ATCAY: variants seen among roughly 807,000 people sequenced by gnomAD.
ATCAY encodes caytaxin.
In ATCAY, 22 loss-of-function variants were observed where a neutral mutation model predicts 47.7. The observed-to-expected ratio is 0.46, with a 90% CI of 0.33 to 0.66. The LOEUF is 0.66. Ranked by LOEUF, ATCAY falls within the 30% of genes least tolerant of loss-of-function variation. The pLI is 0.02. For synonymous variants in ATCAY, 216 were observed against 207.6 expected, an observed-to-expected ratio of 1.04 and a Z score of -0.35; for missense variants, 452 against 515.0, an observed-to-expected ratio of 0.88 and a Z score of 1.18.
Position 3,907,099 on chromosome 19 carries a change from A to C in ATCAY, c.359-635A>C, listed in dbSNP as rs1599288453. Reference sequence around the variant, plus strand: ...CAGTGAGCAGAGATCGCACCACTCCACTCCAGCCTGGGCGATGGAACAAGA... The same window carrying C: ...CAGTGAGCAGAGATCGCACCACTCCCCTCCAGCCTGGGCGATGGAACAAGA... On this transcript the variant is annotated intron_variant, in intron 4 of 12. Coordinates refer to ENST00000450849, the MANE Select transcript of ATCAY (RefSeq NM_033064.5). This position sits in a 1 kb window ranked among gnomAD's most constrained non-coding sequence, Gnocchi z 5.1. 6.7e-6 allele frequency among the ~76,000 whole-genome samples: 1 copy of C among 148,280 alleles called. No individual in the cohort carries two copies. Among genetic ancestry groups the C allele is most frequent in the Non-Finnish European group, 1.5e-5 (1 of 67,408 alleles).
Position 3,920,790 on chromosome 19 carries a change from G to A in ATCAY, c.1098G>A (p.Gln366=). The A allele has an allele frequency of 1.2e-6, 2 of 1,613,800 alleles. No individual in the cohort carries two copies. The highest frequency in any genetic ancestry group is 1.7e-6 in the Non-Finnish European group (2 of 1,179,782). ...GGTCTGCTCTGGTCTCAGAAGATCA[G>A]GAAACAAGGTGGGTGTGATGCAGAG... The part of the protein sequence containing the change: ...ENRSALVSED[Q]ETSMS Residue 366 remains glutamine, a synonymous_variant, in exon 12 of 13, where the codon CAG becomes CAA. Transcript: ENST00000450849.
intron 2 of ATCAY, among the ~76,000 whole-genome samples, chr19:3,896,930 C>T (rs967066639): frequency 2.0e-5 from 3 of 152,012 alleles, no homozygotes; most frequent in Non-Finnish European, 4.4e-5. Flanking sequence ...GCGCCCGCCA[C>T]CATGCCCGGC....
chr19:3,895,199 T>C (rs1167626513), intron 2 of ATCAY: 1 of 456,152 alleles, frequency 2.2e-6, no homozygotes, highest in Admixed American at 2.4e-5. Flanking sequence ...AACTGTCAGG[T>C]AAGAGCTAAT....
At position 3,910,861 on chromosome 19, in the gene ATCAY, G is replaced by C; in HGVS notation, c.838G>C (p.Val280Leu). Residue 280 changes from valine to leucine, a missense_variant, in exon 8 of 13, where the codon GTG becomes CTG. Coordinates refer to ENST00000450849, the MANE Select transcript of ATCAY (RefSeq NM_033064.5). ...CCACCCCTCGTGGTTCATTCGGACT[G>C]TGCTGGCCATCTCTCGCCCTTTCAT... ...IVHPSWFIRT[V>L]LAISRPFISV... 6.2e-7 allele frequency: 1 copy of C among 1,614,024 alleles called. No homozygotes were observed. Among genetic ancestry groups the C allele is most frequent in the South Asian group, 1.1e-5 (1 of 91,090 alleles).
In ATCAY at chr19:3,881,875, C is replaced by CCCG. The variant is rs1338603974; in HGVS notation, c.-42+868_-42+869insCGC. Among the ~76,000 whole-genome samples, 158 of 146,004 alleles carry CCCG rather than the reference C, an allele frequency of 1.1e-3. 3 individuals are homozygous for CCCG. Among genetic ancestry groups the CCCG allele is most frequent in the African/African-American group, 3.9e-3 (152 of 38,748 alleles). On this transcript the variant is annotated intron_variant, in intron 1 of 12. Transcript: ENST00000450849. ...GCTGGCTGCTGCCACCGCCCCCCCC[C>CCCG]CGACCCCATAGCATCCAGGAGGGAT...
chr19:3,915,569 T>G (rs887260456), intron 9 of ATCAY, among the ~76,000 whole-genome samples: 2 of 146,168 alleles, frequency 1.4e-5, no homozygotes, highest in Admixed American at 1.4e-4. Flanking sequence ...TTTTTTTTTT[T>G]GAGATGGAGT....
At chr19:3,914,824 G>GAAA (rs35419791) in intron 9 of ATCAY, among the ~76,000 whole-genome samples, 1 of 141,916 alleles carries the variant, frequency 7.0e-6, no homozygotes. Flanking sequence ...TCCGTCTCAA[G>GAAA]AAAAAAAAAA....
Position 3,917,840 on chromosome 19 carries a change from CAGTT to C in ATCAY, c.1001+66_1001+69del, listed in dbSNP as rs546231423. 901 of 1,565,890 alleles carry C rather than the reference CAGTT, an allele frequency of 5.8e-4. 5 individuals are homozygous for C. In the African/African-American group the frequency reaches 6.5e-3, roughly 11 times the overall value. ...GCAGCGGGGGGCTGAGCTGAACTCT[CAGTT>C]AGGGCAACCCGGTGACTTCTGGGCA... is the stretch of plus-strand genomic sequence containing the variant. On this transcript the variant is annotated intron_variant, in intron 10 of 12. Transcript: ENST00000450849.
At chr19:3,923,370 A>C (rs2039036284) in intron 12 of ATCAY, among the ~76,000 whole-genome samples, 1 of 152,180 alleles carries the variant, frequency 6.6e-6, no homozygotes, top group South Asian at 2.1e-4. Flanking sequence ...TGTTTTAACA[A>C]TTAAAAACAC....
At chr19:3,901,996 T>C (rs112130466) in intron 2 of ATCAY, among the ~76,000 whole-genome samples, 19,700 of 151,500 alleles carry the variant, frequency 0.13, 1,503 homozygotes, top group South Asian at 0.22. Context: ...CGAGACTCTG[T>C]CTCAAAAGAA....
At chr19:3,918,558 A>AAT (rs1555769944) in intron 10 of ATCAY, among the ~76,000 whole-genome samples, 6 of 151,554 alleles carry the variant, frequency 4.0e-5, no homozygotes, top group East Asian at 1.9e-4. Flanking sequence ...CTGTCTCAAA[A>AAT]AAAAAAACAA....
At chr19:3,917,895 C>A in intron 10 of ATCAY, 118 bp downstream of exon 10, 1 of 1,065,906 alleles carries the variant, frequency 9.4e-7, no homozygotes, top group Non-Finnish European at 1.3e-6. Context: ...CTGTGCAGGG[C>A]TCAAGACGCT....
chr19:3,922,073 G>T, intron 12 of ATCAY: 1 of 684,108 alleles, frequency 1.5e-6, no homozygotes, highest in South Asian at 1.5e-5. Context: ...GCCAACTAGA[G>T]AAGCTGACCC....
chr19:3,910,169 C>T (rs1599291346), intron 7 of ATCAY, among the ~76,000 whole-genome samples: 1 of 152,088 alleles, frequency 6.6e-6, no homozygotes, highest in African/African-American at 2.4e-5. Context: ...AATCTGATGA[C>T]TCTAGGGACC....
At chr19:3,922,675 A>C (rs1277155523) in intron 12 of ATCAY, among the ~76,000 whole-genome samples, 1 of 152,174 alleles carries the variant, frequency 6.6e-6, no homozygotes, top group Non-Finnish European at 1.5e-5. Context: ...CCAGGGAAGG[A>C]CCAAACTTTT....
rs1327437488 is a variant in ATCAY at position 3,907,667 on chromosome 19, G to A, written c.359-67G>A. ...AGGGAGGTGGGAGAGGGGAAGGAAG[G>A]CTGAGCAGGAGGGCAGGAGATATCC... On this transcript the variant is annotated intron_variant, in intron 4 of 12. Coordinates refer to ENST00000450849, the MANE Select transcript of ATCAY (RefSeq NM_033064.5). This position sits in a 1 kb window ranked among gnomAD's most constrained non-coding sequence, Gnocchi z 5.1. The A allele has an allele frequency of 2.5e-6, 4 of 1,580,238 alleles. No homozygotes were observed. Among genetic ancestry groups the A allele is most frequent in the Middle Eastern group, 2.1e-4 (1 of 4,862 alleles).
chr19:3,910,842 C>G lies in ATCAY; in HGVS notation c.819C>G (p.Pro273=), dbSNP rs1014676893. The G allele has an allele frequency of 7.4e-6, 12 of 1,613,922 alleles. No homozygotes were observed. Among genetic ancestry groups the G allele is most frequent in the African/African-American group, 2.7e-5 (2 of 74,934 alleles). The change falls in exon 8 of 13, where the codon CCC becomes CCG. Residue 273 remains proline (P), a synonymous_variant. Transcript: ENST00000450849. ...KNLKSLIIVH[P]SWFIRTVLAI... is the part of the protein sequence containing the mutation. ...TGAAGTCCTTGATCATCGTCCACCC[C>G]TCGTGGTTCATTCGGACTGTGCTGG...
chr19:3,899,137 C>T (rs893660204), intron 2 of ATCAY, among the ~76,000 whole-genome samples: 4 of 151,988 alleles, frequency 2.6e-5, no homozygotes, highest in African/African-American at 9.7e-5. Context: ...CTGATTCCTC[C>T]TTTACCTCCA....
chr19:3,893,221 T>A lies in ATCAY; in HGVS notation c.77+7377T>A, dbSNP rs183367307. On this transcript the variant is annotated intron_variant, in intron 2 of 12. Transcript: ENST00000450849. The stretch of plus-strand genomic sequence containing the variant: ...CGGAGACTTGCTCTGTCGCCCAGGC[T>A]GGAGTGCAGTAGCATGATCTCAGCT... Among the ~76,000 whole-genome samples, 6 of 147,126 alleles carry A rather than the reference T, an allele frequency of 4.1e-5. No homozygotes were observed. The East Asian group carries it at 1.2e-3, about 30-fold the overall frequency.
Sources: gnomAD v4.1 joint callset for allele counts (sites outside exome capture counted in the v4.1 genomes callset) on GRCh38, gnomAD v4.1.1 for gene constraint, Gnocchi (gnomAD v3.1) non-coding constraint, MANE v1.5 for transcripts, NCBI Gene and HGNC (gene_info 2026-07-23, HGNC 2026-07-21) for gene names.